Variants in NAV3 observed in about 807,000 individuals in gnomAD.
NAV3 encodes the protein neuron navigator 3.
Under a neutral mutation model 244.7 loss-of-function variants are expected in NAV3, and 87 were observed. The ratio of observed to expected loss-of-function variants is 0.36; its 90% CI spans 0.30 to 0.42. The LOEUF (loss-of-function observed/expected upper bound fraction) is 0.42, where lower values mean the gene tolerates loss of function less well. Ranked by LOEUF, NAV3 falls within the 20% of genes least tolerant of loss-of-function variation. The pLI is 1.00. For synonymous variants in NAV3, 1,126 were observed against 1,042.2 expected, an observed-to-expected ratio of 1.08 and a Z score of -1.55; for missense variants, 2,663 against 2,893.3, an observed-to-expected ratio of 0.92 and a Z score of 1.83.
chr12:78,024,987 G>A (rs12314654), intron 9 of NAV3, among the ~76,000 whole-genome samples: 4 of 149,288 alleles, frequency 2.7e-5, no homozygotes, highest in African/African-American at 4.9e-5. Context: ...GAAAAAGGGG[G>A]AAAAAAAAAG....
chr12:78,197,125 A>T (rs1232694238), intron 34 of NAV3, 122 bp from the exon 35 acceptor site: 8 of 636,208 alleles, frequency 1.3e-5, no homozygotes, highest in Non-Finnish European at 1.6e-5. Flanking sequence ...TCAGTTGAAT[A>T]ATCTATGACT....
intron 7 of NAV3, among the ~76,000 whole-genome samples, chr12:78,002,871 A>G (rs1426218866): frequency 6.6e-6 from 1 of 151,892 alleles, no homozygotes; most frequent in Non-Finnish European, 1.5e-5. Context: ...GTATATATCA[A>G]TTTATAAGAC....
intron 2 of NAV3, among the ~76,000 whole-genome samples, chr12:77,700,501 C>A (rs1420762093): frequency 1.3e-5 from 2 of 152,046 alleles, no homozygotes; most frequent in African/African-American, 4.8e-5. Flanking sequence ...GTCTAGTCTT[C>A]ATGATTTTAA....
Position 77,968,793 on chromosome 12 carries a change from G to A in NAV3, c.671+91G>A, listed in dbSNP as rs138937416. ...ATTATTGTCCATGAGTTTGAAAAAC[G>A]TACTCATGTGCTTGTATCAGTGTGA... On this transcript the variant is annotated intron_variant, in intron 5 of 39. Coordinates refer to ENST00000397909, the MANE Select transcript of NAV3 (RefSeq NM_001024383.2). 7.6e-5 allele frequency: 92 copies of A among 1,214,440 alleles called. 2 individuals carry two copies. In the East Asian group the frequency reaches 1.3e-3, roughly 17 times the overall value. 75.2% of individuals were successfully genotyped at this position (1,214,440 alleles called of 1,614,324 possible). A position where few individuals can be genotyped will look rare whatever the true frequency, so the allele number is the denominator to read the frequency against.
At chr12:78,142,183 G>A (rs767598094) in intron 20 of NAV3, among the ~76,000 whole-genome samples, 1 of 151,924 alleles carries the variant, frequency 6.6e-6, no homozygotes, top group Non-Finnish European at 1.5e-5. Context: ...AGATTTGATC[G>A]TTACACAGCA....
At chr12:78,124,086 C>T (rs1201509715) in intron 16 of NAV3, among the ~76,000 whole-genome samples, 1 of 152,196 alleles carries the variant, frequency 6.6e-6, no homozygotes, top group East Asian at 1.9e-4. Context: ...TTAACCACAA[C>T]CACCTTCCAC....
In NAV3 at chr12:78,118,127, C is replaced by G. The variant is rs2138567567; in HGVS notation, c.2870C>G (p.Ala957Gly). 6.2e-7 allele frequency: 1 copy of G among 1,614,016 alleles called. No individual in the cohort carries two copies. The highest frequency in any genetic ancestry group is 8.5e-7 in the Non-Finnish European group (1 of 1,179,992). Reference sequence around the variant, plus strand: ...GAAGATTTTGACAGCCATGGGGATGCTGGTGGCAAGTGGAAGACTGTGTCC... The same window carrying G: ...GAAGATTTTGACAGCCATGGGGATGGTGGTGGCAAGTGGAAGACTGTGTCC... ...PEEDFDSHGD[A>G]GGKWKTVSSG... Residue 957 changes from alanine to glycine, a missense_variant, in exon 14 of 40, where the codon GCT (alanine) becomes GGT (glycine). Physicochemically the swap from Ala to Gly is moderately conservative, Grantham distance 60 (BLOSUM62 0). This residue lies in a region of NAV3 where 1,521 missense variants were observed against 1,497.0 expected (regional missense o/e 1.02). Coordinates refer to ENST00000397909, the MANE Select transcript of NAV3 (RefSeq NM_001024383.2).
At chr12:78,006,123 G>A (rs17044728) in intron 7 of NAV3, among the ~76,000 whole-genome samples, 1,921 of 152,182 alleles carry the variant, frequency 0.013, 19 homozygotes, top group South Asian at 0.037. Flanking sequence ...ATAGTGTTTT[G>A]TTCATCTTTG....
chr12:77,788,413 T>A (rs1249534719), intron 2 of NAV3, among the ~76,000 whole-genome samples: 1 of 152,106 alleles, frequency 6.6e-6, no homozygotes, highest in Non-Finnish European at 1.5e-5. Flanking sequence ...GGGACAACAA[T>A]CCTGTGATGG....
chr12:77,589,095 C>G (rs915130763), intron 2 of NAV3, among the ~76,000 whole-genome samples: 2 of 152,120 alleles, frequency 1.3e-5, no homozygotes, highest in Non-Finnish European at 2.9e-5. Flanking sequence ...GATCTAGGTA[C>G]TAAGACAAAA....
At chr12:77,627,856 C>A (rs769652600) in intron 2 of NAV3, among the ~76,000 whole-genome samples, 7 of 152,070 alleles carry the variant, frequency 4.6e-5, no homozygotes, top group Non-Finnish European at 1.0e-4. Context: ...CATTAAAAGT[C>A]TTTTGCAGCA....
chr12:77,894,502 A>G (rs1384719933), intron 1 of NAV3, among the ~76,000 whole-genome samples: 1 of 152,184 alleles, frequency 6.6e-6, no homozygotes, highest in Admixed American at 6.5e-5. Context: ...ACCCATAATA[A>G]CAACATGAGA....
rs142031357 is a variant in NAV3, at chr12:78,043,046, T to C, written c.2024-6947T>C. ...TTGCTGCACCCATCAACCCGTCATC[T>C]ACATTAGGTATTTCCCCTAATGCTA... is the stretch of plus-strand genomic sequence containing the variant. On this transcript the variant is annotated intron_variant, in intron 9 of 39. Transcript: ENST00000397909. Among the ~76,000 whole-genome samples the C allele has an allele frequency of 1.6e-3, 243 of 152,232 alleles. 6 individuals carry two copies. The East Asian group carries it at 0.025, about 16-fold the overall frequency.
At chr12:77,595,226 TA>T (rs1052318991) in intron 2 of NAV3, among the ~76,000 whole-genome samples, 1 of 151,124 alleles carries the variant, frequency 6.6e-6, no homozygotes, top group Non-Finnish European at 1.5e-5. Context: ...TGTTCAGCTT[TA>T]AAAAAAAAGA....
intron 24 of NAV3, among the ~76,000 whole-genome samples, chr12:78,169,279 G>A (rs193200607): frequency 1.3e-5 from 2 of 151,838 alleles, no homozygotes; most frequent in African/African-American, 4.8e-5. Context: ...TGATGATATA[G>A]TAAGCAGTGG....
chr12:77,676,559 C>CTTTTTTTTTTTTT (rs35737201), intron 2 of NAV3, among the ~76,000 whole-genome samples: 1 of 145,094 alleles, frequency 6.9e-6, no homozygotes, highest in Non-Finnish European at 1.5e-5. Flanking sequence ...CCTTTAAAGC[C>CTTTTTTTTTTTTT]TTTTTTTTTT....
intron 2 of NAV3, among the ~76,000 whole-genome samples, chr12:77,658,633 A>C (rs1308459209): frequency 6.6e-6 from 1 of 152,144 alleles, no homozygotes; most frequent in Admixed American, 6.6e-5. Flanking sequence ...GGAACCAAAA[A>C]GGAGCCCGCA....
chr12:77,906,137 A>G lies in NAV3; in HGVS notation c.244-34182A>G, dbSNP rs1384790851. Among the ~76,000 whole-genome samples, 4 of 152,150 alleles carry G rather than the reference A, an allele frequency of 2.6e-5. 1 individual carries two copies. Among genetic ancestry groups the G allele is most frequent in the Non-Finnish European group, 4.4e-5 (3 of 68,022 alleles). On this transcript the variant is annotated intron_variant, in intron 1 of 39. Transcript: ENST00000397909. ...ATATATAGGAGCTGAATTTGCCGCA[A>G]ACTTGCAAAGAAAACCAATTTCTGT...
At chr12:78,194,080 T>C (rs1959097601) in intron 34 of NAV3, among the ~76,000 whole-genome samples, 1 of 152,164 alleles carries the variant, frequency 6.6e-6, no homozygotes, top group Admixed American at 6.6e-5. Context: ...TGGATGACTC[T>C]TGTGGCTTCA....
Sources: gnomAD v4.1 joint callset for allele counts (sites outside exome capture counted in the v4.1 genomes callset) on GRCh38, gnomAD v4.1.1 for gene constraint, gnomAD v4.1.1 regional missense constraint, MANE v1.5 for transcripts, NCBI Gene and HGNC (gene_info 2026-07-23, HGNC 2026-07-21) for gene names.